NINL: variants seen among roughly 807,000 people sequenced by gnomAD.
NINL encodes ninein like.
In NINL, 153 loss-of-function variants were observed where a neutral mutation model predicts 160.3. That is an observed-to-expected ratio of 0.95 (90% CI 0.84 to 1.09). NINL has a LOEUF of 1.09. NINL is among the 50% of genes least tolerant of loss of function. The pLI is 0.00. For synonymous variants in NINL, 800 were observed against 734.8 expected (o/e 1.09, Z -1.43); for missense variants, 1,829 against 1,764.0 (o/e 1.04, Z -0.66).
chr20:25,501,126 CAT>C (rs2146789695), intron 7 of NINL, 116 bp from the exon 8 acceptor site: 1 of 1,326,874 alleles, frequency 7.5e-7, no homozygotes. Context: ...AGGAACAGCT[CAT>C]GAGACCATCC....
intron 1 of NINL, among the ~76,000 whole-genome samples, chr20:25,558,819 C>A (rs535828823): frequency 2.0e-5 from 3 of 152,224 alleles, no homozygotes; most frequent in African/African-American, 7.2e-5. Context: ...ATTCTGAGAA[C>A]TGCAAATGCA....
At chr20:25,525,943 C>T (rs1325470139) in intron 2 of NINL, among the ~76,000 whole-genome samples, 1 of 152,142 alleles carries the variant, frequency 6.6e-6, no homozygotes, top group Non-Finnish European at 1.5e-5. Flanking sequence ...CATGGGTATC[C>T]TTTGTTCTTT....
At chr20:25,533,113 G>A (rs1048207029) in intron 1 of NINL, among the ~76,000 whole-genome samples, 1 of 152,200 alleles carries the variant, frequency 6.6e-6, no homozygotes, top group Non-Finnish European at 1.5e-5. Flanking sequence ...CAGGCAACAC[G>A]ACAGCAGACA....
intron 17 of NINL, among the ~76,000 whole-genome samples, chr20:25,474,683 C>T (rs1280786921): frequency 6.6e-6 from 1 of 150,900 alleles, no homozygotes; most frequent in East Asian, 2.0e-4. Context: ...GGTGTGATCT[C>T]GGCTCACTGA....
intron 1 of NINL, among the ~76,000 whole-genome samples, chr20:25,553,600 C>G (rs1195644027): frequency 6.6e-6 from 1 of 152,236 alleles, no homozygotes; most frequent in East Asian, 1.9e-4. Flanking sequence ...AGCATGAACA[C>G]GTGTCACAAG....
At chr20:25,467,572 C>T (rs1427903225) in intron 18 of NINL, 114 bp from the exon 19 acceptor site, 4 of 766,050 alleles carry the variant, frequency 5.2e-6, no homozygotes, top group African/African-American at 1.7e-5. Context: ...AGCAGAGACG[C>T]CCACACCTGC....
chr20:25,578,671 T>C (rs2065142180), intron 1 of NINL, among the ~76,000 whole-genome samples: 2 of 151,272 alleles, frequency 1.3e-5, no homozygotes, highest in South Asian at 4.2e-4. Flanking sequence ...CGGGCGCATG[T>C]AGTCCCAGCT....
Position 25,531,131 on chromosome 20 carries a change from C to T in NINL, c.-11-4533G>A, listed in dbSNP as rs572077976. Among the ~76,000 whole-genome samples the T allele has an allele frequency of 8.5e-5, 13 of 152,264 alleles. No homozygotes were observed. The South Asian group carries it at 1.2e-3, about 15-fold the overall frequency. ...TTCCTTGCTGAGAAAAAGAATTCAG[C>T]GATATTTCTCCCATTTGCTTTTGAA... is the stretch of plus-strand genomic sequence containing the variant. On this transcript the variant is annotated intron_variant, in intron 1 of 23. Coordinates refer to ENST00000278886, the MANE Select transcript of NINL (RefSeq NM_025176.6).
At chr20:25,565,196 G>C (rs989680671) in intron 1 of NINL, among the ~76,000 whole-genome samples, 17 of 152,282 alleles carry the variant, frequency 1.1e-4, no homozygotes, top group Admixed American at 1.0e-3. Flanking sequence ...TTCACTCAAA[G>C]AAAAGTAACC....
rs746111682 is a variant in NINL, at chr20:25,512,881, T to C, written c.403A>G (p.Ser135Gly). The change falls in exon 4 of 24, where the codon AGC (serine) becomes GGC (glycine). Residue 135 changes from serine to glycine, a missense_variant. By Grantham distance (56) the Ser-to-Gly change is moderately conservative. Transcript: ENST00000278886. ...GAGCGCCAGAGGTGACTTTTCAGGC[T>C]GGCCTGGGTTTGCTGCTCCGGCACG... ...RRVPEQQTQA[S>G]LKSHLWRSAS... 15 of 1,614,094 alleles carry C rather than the reference T, an allele frequency of 9.3e-6. No individual in the cohort carries two copies. The highest frequency in any genetic ancestry group is 1.3e-5 in the Non-Finnish European group (15 of 1,180,028).
intron 1 of NINL, among the ~76,000 whole-genome samples, chr20:25,559,387 C>T (rs915485591): frequency 2.0e-5 from 3 of 152,052 alleles, no homozygotes; most frequent in African/African-American, 4.8e-5. Flanking sequence ...ACTACAGGTG[C>T]GTGCCGCCAC....
In NINL at chr20:25,537,310, T is replaced by G. The variant is rs915187354; in HGVS notation, c.-11-10712A>C. On this transcript the variant is annotated intron_variant, in intron 1 of 23. Coordinates refer to ENST00000278886, the MANE Select transcript of NINL (RefSeq NM_025176.6). ...GTTACCCAGGCTGGTCTCAAACTCC[T>G]GGGCTCAAGTGATCCTTCTACCGGG... is the stretch of plus-strand genomic sequence containing the variant. Among the ~76,000 whole-genome samples the G allele has an allele frequency of 2.0e-5, 3 of 152,330 alleles. No homozygotes were observed. The East Asian group carries it at 5.8e-4, about 29-fold the overall frequency.
intron 13 of NINL, 97 bp from the exon 14 acceptor site, chr20:25,482,197 G>A: frequency 7.1e-7 from 1 of 1,412,876 alleles, no homozygotes; most frequent in Non-Finnish European, 9.5e-7. Context: ...TTGCAGGTGA[G>A]GTGCACTGTG....
chr20:25,528,110 A>G (rs1568944617), intron 1 of NINL, among the ~76,000 whole-genome samples: 1 of 152,152 alleles, frequency 6.6e-6, no homozygotes, highest in Non-Finnish European at 1.5e-5. Context: ...GCTCACTGTA[A>G]CCTTGAACTC....
intron 2 of NINL, among the ~76,000 whole-genome samples, chr20:25,520,484 T>C (rs1288215932): frequency 6.6e-6 from 1 of 152,240 alleles, no homozygotes; most frequent in East Asian, 1.9e-4. Context: ...AAATTATACA[T>C]GCATTTGCTT....
intron 1 of NINL, among the ~76,000 whole-genome samples, chr20:25,536,025 CAGAG>C (rs893632375): frequency 3.3e-5 from 5 of 152,126 alleles, no homozygotes; most frequent in Non-Finnish European, 7.4e-5. Flanking sequence ...TACAGATGTC[CAGAG>C]AGAAAGAGCA....
chr20:25,575,404 G>A (rs150383743), intron 1 of NINL, among the ~76,000 whole-genome samples: 4,747 of 139,172 alleles, frequency 0.034, 239 homozygotes, highest in African/African-American at 0.12. Context: ...CCGAGATTGC[G>A]CCACTACACT....
In NINL at chr20:25,499,071, G is replaced by C. The variant is rs560830670; in HGVS notation, c.1033-725C>G. On this transcript the variant is annotated intron_variant, in intron 8 of 23. Coordinates refer to ENST00000278886, the MANE Select transcript of NINL (RefSeq NM_025176.6). ...AAACGCCCTGCTCAGGCCGGCGGCA[G>C]GCACCATGGCAGGGCGGCTGAAGCA... is the stretch of plus-strand genomic sequence containing the variant. 13 of 985,476 alleles carry C rather than the reference G, an allele frequency of 1.3e-5. No individual in the cohort carries two copies. In the East Asian group the frequency reaches 1.0e-3, roughly 77 times the overall value. The allele number at this position is 985,476 out of a possible 1,614,324, so 61.0% of individuals were successfully genotyped here.
At chr20:25,471,951 TCTA>T (rs1431805088) in intron 17 of NINL, among the ~76,000 whole-genome samples, 1 of 152,086 alleles carries the variant, frequency 6.6e-6, no homozygotes, top group Admixed American at 6.6e-5. Flanking sequence ...AATTCAATCC[TCTA>T]GAAACTGCAG....
Sources: gnomAD v4.1 joint callset for allele counts (sites outside exome capture counted in the v4.1 genomes callset) on GRCh38, gnomAD v4.1.1 for gene constraint, MANE v1.5 for transcripts, NCBI Gene and HGNC (gene_info 2026-07-23, HGNC 2026-07-21) for gene names.